The following LEMD3 variants were observed in gnomAD, a reference collection of about 807,000 sequenced individuals.
LEMD3 encodes the protein LEM domain containing 3.
Under a neutral mutation model 95.2 loss-of-function variants are expected in LEMD3, and 33 were observed. That is an observed-to-expected ratio of 0.35 (90% confidence interval 0.26 to 0.46). The LOEUF (loss-of-function observed/expected upper bound fraction) is 0.46. Among genes scored for constraint, LEMD3 ranks in the 20% least tolerant of loss-of-function variants. The probability of loss-of-function intolerance (pLI) is 1.00; values close to 1 mark genes in which losing one functional copy is unlikely to be tolerated. For synonymous variants in LEMD3, 525 were observed against 474.6 expected, an observed-to-expected ratio of 1.11 and a Z score of -1.38; for missense variants, 1,210 against 1,192.8, an observed-to-expected ratio of 1.01 and a Z score of -0.21.
chr12:65,240,246 C>A lies in LEMD3; in HGVS notation c.2126+8C>A. 6.3e-7 allele frequency: 1 copy of A among 1,582,134 alleles called. No homozygotes were observed. The highest frequency in any genetic ancestry group is 1.1e-5 in the South Asian group (1 of 90,378). On this transcript the variant is annotated splice_region_variant and intron_variant, in intron 8 of 12. Transcript: ENST00000308330. ...AATACAGCCTCATGACAGGTGTGTT[C>A]AAAGCATTATGAGTTCAAGTAAATC... is the stretch of plus-strand genomic sequence containing the variant.
At chr12:65,176,153 A>G (rs1350355316) in intron 1 of LEMD3, among the ~76,000 whole-genome samples, 1 of 152,208 alleles carries the variant, frequency 6.6e-6, no homozygotes, top group Non-Finnish European at 1.5e-5. Flanking sequence ...AGTACAGAGC[A>G]GCGTTTCTAA....
intron 4 of LEMD3, among the ~76,000 whole-genome samples, chr12:65,232,869 G>A (rs1391880787): frequency 1.3e-5 from 2 of 152,140 alleles, no homozygotes; most frequent in Non-Finnish European, 2.9e-5. Flanking sequence ...CAATGAATAT[G>A]TTTAAGATTT....
chr12:65,177,954 C>T (rs1199557643), intron 1 of LEMD3, among the ~76,000 whole-genome samples: 1 of 151,650 alleles, frequency 6.6e-6, no homozygotes, highest in African/African-American at 2.4e-5. Flanking sequence ...AAGCAATCCT[C>T]ACAGCTCAGC....
intron 1 of LEMD3, among the ~76,000 whole-genome samples, chr12:65,201,341 T>C (rs577508752): frequency 3.4e-4 from 52 of 152,292 alleles, no homozygotes; most frequent in South Asian, 1.7e-3. Context: ...AATAATCTGC[T>C]GGGATTTTGA....
At position 65,170,706 on chromosome 12, in the gene LEMD3, G is replaced by T; in HGVS notation, c.1110G>T (p.Pro370=). Residue 370 remains proline, a synonymous_variant, in exon 1 of 13, where the codon CCG becomes CCT. Transcript: ENST00000308330. ...NAKKLTPLLP[P]PLTDMDSTLD... is the part of the protein sequence containing the mutation. ...AGAAACTGACCCCTCTCCTGCCCCC[G>T]CCACTTACTGACATGGACTCAACCT... The T allele has an allele frequency of 6.2e-7, 1 of 1,614,170 alleles. No individual in the cohort carries two copies. The highest frequency in any genetic ancestry group is 8.5e-7 in the Non-Finnish European group (1 of 1,180,030).
At chr12:65,174,518 A>G (rs953098964) in intron 1 of LEMD3, among the ~76,000 whole-genome samples, 2 of 152,150 alleles carry the variant, frequency 1.3e-5, no homozygotes, top group African/African-American at 4.8e-5. Flanking sequence ...GTTTGAATAG[A>G]GATGAAGGAA....
chr12:65,237,056 T>C (rs1448876637), intron 4 of LEMD3, among the ~76,000 whole-genome samples: 1 of 152,152 alleles, frequency 6.6e-6, no homozygotes, highest in Non-Finnish European at 1.5e-5. Context: ...TAGAAAGATA[T>C]ATTTACTTTC....
At chr12:65,196,338 A>G (rs188209690) in intron 1 of LEMD3, among the ~76,000 whole-genome samples, 1 of 152,066 alleles carries the variant, frequency 6.6e-6, no homozygotes, top group Non-Finnish European at 1.5e-5. Context: ...ACCAAAAAAA[A>G]CCCCAAACAG....
rs1246502523 is a variant in LEMD3 at position 65,235,803 on chromosome 12, G to A, written c.1696-2699G>A. ...GTTTTATTTTTTTAAGCAGATAGCT[G>A]TTTAGCTCTCATCATGATTATTTCT... On this transcript the variant is annotated intron_variant, in intron 4 of 12. Coordinates refer to ENST00000308330, the MANE Select transcript of LEMD3 (RefSeq NM_014319.5). 2.6e-5 allele frequency among the ~76,000 whole-genome samples: 4 copies of A among 151,992 alleles called. No individual in the cohort carries two copies. The East Asian group carries it at 7.7e-4, about 29-fold the overall frequency.
At chr12:65,191,860 G>T (rs1195825641) in intron 1 of LEMD3, among the ~76,000 whole-genome samples, 1 of 150,452 alleles carries the variant, frequency 6.6e-6, no homozygotes, top group Non-Finnish European at 1.5e-5. Flanking sequence ...GGGAGATGGA[G>T]GTTGTAGTGA....
At position 65,228,422 on chromosome 12, in the gene LEMD3, G is replaced by T. The variant is rs538491270; in HGVS notation, c.1695+9803G>T. Among the ~76,000 whole-genome samples, 50 of 149,826 alleles carry T rather than the reference G, an allele frequency of 3.3e-4. No homozygotes were observed. The South Asian group carries it at 5.5e-3, about 16-fold the overall frequency. On this transcript the variant is annotated intron_variant, in intron 4 of 12. Transcript: ENST00000308330. ...TATTTATTTTTTTTTTTGAGGTGGAGTCTTGCTCTGTTGCCCAGGCTGGAG... is the reference window on the plus strand; with the variant it reads ...TATTTATTTTTTTTTTTGAGGTGGATTCTTGCTCTGTTGCCCAGGCTGGAG...
chr12:65,238,058 C>T (rs1204349352), intron 4 of LEMD3, among the ~76,000 whole-genome samples: 1 of 152,110 alleles, frequency 6.6e-6, no homozygotes, highest in African/African-American at 2.4e-5. Flanking sequence ...CACTTGAGGT[C>T]AGGAGTTTAA....
intron 4 of LEMD3, 143 bp from the exon 5 acceptor site, chr12:65,238,359 A>G: frequency 1.6e-6 from 1 of 619,060 alleles, no homozygotes; most frequent in Admixed American, 3.0e-5. Flanking sequence ...CTTTTTTCTC[A>G]TTCTTTTTAA....
intron 1 of LEMD3, among the ~76,000 whole-genome samples, chr12:65,190,896 A>G (rs947772504): frequency 6.6e-6 from 1 of 152,180 alleles, no homozygotes; most frequent in Non-Finnish European, 1.5e-5. Context: ...TCACAAAGGT[A>G]TAGTTTACCA....
intron 6 of LEMD3, 86 bp from the exon 7 acceptor site, chr12:65,239,843 C>A (rs918858750): frequency 3.4e-6 from 3 of 884,884 alleles, no homozygotes; most frequent in African/African-American, 3.4e-5. Flanking sequence ...AGGTTCATTC[C>A]GTTGTGGCAG....
intron 1 of LEMD3, among the ~76,000 whole-genome samples, chr12:65,201,175 A>G (rs930961069): frequency 6.6e-6 from 1 of 152,160 alleles, no homozygotes; most frequent in South Asian, 2.1e-4. Flanking sequence ...TTCTTTTACC[A>G]ATACCACACT....
intron 2 of LEMD3, among the ~76,000 whole-genome samples, chr12:65,211,435 A>G (rs1243022787): frequency 1.3e-5 from 2 of 152,168 alleles, no homozygotes; most frequent in African/African-American, 4.8e-5. Context: ...CCTTCAGGCT[A>G]TTTCTTTAAT....
chr12:65,241,618 A>G lies in LEMD3; in HGVS notation c.2305+531A>G, dbSNP rs566218544. 2.6e-5 allele frequency among the ~76,000 whole-genome samples: 4 copies of G among 152,264 alleles called. No individual in the cohort carries two copies. In the East Asian group the frequency reaches 7.7e-4, roughly 29 times the overall value. On this transcript the variant is annotated intron_variant, in intron 9 of 12. Transcript: ENST00000308330. ...GTTTCAAAAACATGTATAAATAAGA[A>G]AGGGGTAAGTTTATAGGGGGTTTTG...
chr12:65,208,694 T>A (rs999540571), intron 1 of LEMD3, among the ~76,000 whole-genome samples: 2 of 152,150 alleles, frequency 1.3e-5, no homozygotes, highest in Non-Finnish European at 2.9e-5. Context: ...TGGTGTTTTC[T>A]TGTAAAAACT....
Sources: gnomAD v4.1 joint callset for allele counts (sites outside exome capture counted in the v4.1 genomes callset) on GRCh38, gnomAD v4.1.1 for gene constraint, MANE v1.5 for transcripts, NCBI Gene and HGNC (gene_info 2026-07-23, HGNC 2026-07-21) for gene names.